Variants in B3GALT1 observed in about 807,000 individuals in gnomAD.
B3GALT1 encodes UDP-Gal:betaGlcNAc beta 1,3-galactosyltransferase, polypeptide 1.
Under a neutral mutation model 23.2 loss-of-function variants are expected in B3GALT1, and 10 were observed. That is an observed-to-expected ratio of 0.43 (90% CI 0.27 to 0.73). The LOEUF (loss-of-function observed/expected upper bound fraction) is 0.73, where lower values mean the gene tolerates loss of function less well. B3GALT1 is among the 30% of genes least tolerant of loss of function. The probability of loss-of-function intolerance (pLI) is 0.21; values close to 1 mark genes in which losing one functional copy is unlikely to be tolerated. For missense variants in B3GALT1, 299 were observed against 405.4 expected (o/e 0.74, Z 2.25); for synonymous variants, 156 against 141.5 (o/e 1.10, Z -0.73).
At chr2:167,868,679 G>A (rs1014059977) in intron 4 of B3GALT1, among the ~76,000 whole-genome samples, 132 bp from the exon 5 acceptor site, 1 of 152,100 alleles carries the variant, frequency 6.6e-6, no homozygotes, top group Non-Finnish European at 1.5e-5. Flanking sequence ...GAAGTTTTTG[G>A]TACTGATGGA....
chr2:167,823,552 T>G (rs1276201691), intron 4 of B3GALT1, among the ~76,000 whole-genome samples: 1 of 152,246 alleles, frequency 6.6e-6, no homozygotes, highest in South Asian at 2.1e-4. Flanking sequence ...TAATTTGGTA[T>G]AGCGAACAAA....
intron 1 of B3GALT1, among the ~76,000 whole-genome samples, chr2:167,438,766 T>C (rs1214259527): frequency 6.6e-6 from 1 of 152,214 alleles, no homozygotes; most frequent in African/African-American, 2.4e-5. Flanking sequence ...CTTACAACTC[T>C]TTCAGTTTAG....
intron 2 of B3GALT1, among the ~76,000 whole-genome samples, chr2:167,544,349 C>T (rs1022174791): frequency 3.3e-5 from 5 of 152,180 alleles, no homozygotes; most frequent in Admixed American, 3.3e-4. Context: ...GGCCGGAGTG[C>T]AGTGGCATGA....
rs140460903 is a variant in B3GALT1, at chr2:167,457,175, T to A, written c.-510-33002T>A. Among the ~76,000 whole-genome samples, 568 of 152,178 alleles carry A rather than the reference T, an allele frequency of 3.7e-3. 5 individuals carry two copies. The highest frequency in any genetic ancestry group is 0.014 in the South Asian group (67 of 4,816). On this transcript the variant is annotated intron_variant, in intron 1 of 4. Transcript: ENST00000392690. ...CACAGTCAGTTTCATCAACTTCTTT[T>A]TTATTATTATTTTTTGAGACGGAGT... is the stretch of plus-strand genomic sequence containing the variant.
chr2:167,673,659 AC>A (rs1164571323), intron 3 of B3GALT1, among the ~76,000 whole-genome samples: 1 of 151,982 alleles, frequency 6.6e-6, no homozygotes, highest in African/African-American at 2.4e-5. Context: ...TATATTGAGA[AC>A]CCAAAAGGGT....
chr2:167,675,399 T>C (rs555756121), intron 3 of B3GALT1, among the ~76,000 whole-genome samples: 1 of 152,196 alleles, frequency 6.6e-6, no homozygotes, highest in Non-Finnish European at 1.5e-5. Context: ...CACAGACTAT[T>C]TCAAAGAAAT....
At chr2:167,858,403 C>T (rs1290741521) in intron 4 of B3GALT1, among the ~76,000 whole-genome samples, 5 of 149,658 alleles carry the variant, frequency 3.3e-5, no homozygotes, top group Admixed American at 1.3e-4. Context: ...ATTGACTGAT[C>T]GTTCCTTATG....
At chr2:167,847,077 C>T (rs1254181137) in intron 4 of B3GALT1, among the ~76,000 whole-genome samples, 1 of 152,168 alleles carries the variant, frequency 6.6e-6, no homozygotes, top group Non-Finnish European at 1.5e-5. Flanking sequence ...CATATATGCA[C>T]CTATTACTGG....
chr2:167,665,721 T>G (rs1472824528), intron 3 of B3GALT1, among the ~76,000 whole-genome samples: 1 of 152,236 alleles, frequency 6.6e-6, no homozygotes, highest in Non-Finnish European at 1.5e-5. Flanking sequence ...AATTTATCCA[T>G]TTCTTTTAGA....
chr2:167,662,781 C>A (rs1210808552), intron 3 of B3GALT1, among the ~76,000 whole-genome samples: 1 of 151,898 alleles, frequency 6.6e-6, no homozygotes, highest in East Asian at 1.9e-4. Flanking sequence ...GCATGCTCCT[C>A]TCCAGCTACA....
intron 3 of B3GALT1, among the ~76,000 whole-genome samples, chr2:167,756,880 A>G (rs1401974205): frequency 6.6e-6 from 1 of 152,212 alleles, no homozygotes; most frequent in Non-Finnish European, 1.5e-5. Context: ...ATCTGGTTTC[A>G]TTCCACTATC....
Position 167,646,894 on chromosome 2 carries a change from C to A in B3GALT1, c.-409-15C>A, listed in dbSNP as rs1035846855. ...ATTTTAATCTAAATGTATTTTTTTT[C>A]TTCTCTTGAAAAAGTTCTCTTGCTG... On this transcript the variant is annotated splice_polypyrimidine_tract_variant and intron_variant, in intron 2 of 4. Coordinates refer to ENST00000392690, the MANE Select transcript of B3GALT1 (RefSeq NM_020981.4). 9.2e-5 allele frequency among the ~76,000 whole-genome samples: 14 copies of A among 151,610 alleles called. No homozygotes were observed. The highest frequency in any genetic ancestry group is 3.4e-4 in the African/African-American group (14 of 41,314).
At chr2:167,683,739 A>T (rs932808041) in intron 3 of B3GALT1, among the ~76,000 whole-genome samples, 1 of 151,708 alleles carries the variant, frequency 6.6e-6, no homozygotes, top group Non-Finnish European at 1.5e-5. Context: ...ATTAAAATTA[A>T]AAAGAAAACA....
At chr2:167,866,636 G>C (rs1690223580) in intron 4 of B3GALT1, among the ~76,000 whole-genome samples, 1 of 152,162 alleles carries the variant, frequency 6.6e-6, no homozygotes, top group South Asian at 2.1e-4. Flanking sequence ...AAAATGTAAA[G>C]TGGAAAAATC....
intron 3 of B3GALT1, among the ~76,000 whole-genome samples, chr2:167,666,205 G>T (rs992898400): frequency 6.6e-6 from 1 of 152,120 alleles, no homozygotes; most frequent in Admixed American, 6.5e-5. Context: ...ATTTCATTAT[G>T]TACCCAGTAG....
intron 1 of B3GALT1, among the ~76,000 whole-genome samples, chr2:167,465,940 T>G (rs1699338193): frequency 6.6e-6 from 1 of 152,064 alleles, no homozygotes; most frequent in Admixed American, 6.6e-5. Context: ...CACAATGACT[T>G]TTGTGAAAGA....
intron 3 of B3GALT1, chr2:167,814,973 A>C (rs1038061933): frequency 1.1e-4 from 17 of 152,158 alleles, no homozygotes; most frequent in African/African-American, 4.1e-4. Context: ...ATTGAATGTG[A>C]AGTTGGGAAG....
In B3GALT1 at chr2:167,605,424, A is replaced by G. The variant is rs892481646; in HGVS notation, c.-409-41485A>G. Among the ~76,000 whole-genome samples, 8 of 152,184 alleles carry G rather than the reference A, an allele frequency of 5.3e-5. No individual in the cohort carries two copies. In the South Asian group the frequency reaches 6.2e-4, roughly 12 times the overall value. On this transcript the variant is annotated intron_variant, in intron 2 of 4. Transcript: ENST00000392690. Reference sequence around the variant, plus strand: ...AGGGTTTGGCTGGCTTGGAGTGCCCATGGTGGCTGACCCACGTGGTTGGTG... The same window carrying G: ...AGGGTTTGGCTGGCTTGGAGTGCCCGTGGTGGCTGACCCACGTGGTTGGTG...
chr2:167,563,500 C>T (rs1684065284), intron 2 of B3GALT1, among the ~76,000 whole-genome samples: 1 of 62,362 alleles, frequency 1.6e-5, no homozygotes. Context: ...CAGAGGCGCC[C>T]CTCACCTCCC....
Sources: gnomAD v4.1 joint callset for allele counts (sites outside exome capture counted in the v4.1 genomes callset) on GRCh38, gnomAD v4.1.1 for gene constraint, MANE v1.5 for transcripts, NCBI Gene and HGNC (gene_info 2026-07-23, HGNC 2026-07-21) for gene names.